Variants in ROBO2 observed in about 807,000 individuals in gnomAD.
ROBO2 encodes roundabout homolog 2.
In ROBO2, 53 loss-of-function variants were observed where a neutral mutation model predicts 160.8. That is an observed-to-expected ratio of 0.33 (90% CI 0.26 to 0.41). The LOEUF is 0.41. ROBO2 is among the 10% of genes least tolerant of loss of function. The probability of loss-of-function intolerance (pLI) is 1.00; values close to 1 mark genes in which losing one functional copy is unlikely to be tolerated. For synonymous variants in ROBO2, 664 were observed against 611.7 expected, an observed-to-expected ratio of 1.09 and a Z score of -1.26; for missense variants, 1,577 against 1,722.4, an observed-to-expected ratio of 0.92 and a Z score of 1.49.
chr3:75,952,582 C>T (rs975141799), intron 2 of ROBO2, among the ~76,000 whole-genome samples: 2 of 151,934 alleles, frequency 1.3e-5, no homozygotes, highest in Non-Finnish European at 2.9e-5. Flanking sequence ...TTTTTAACAT[C>T]TTGCGATAGT....
intron 2 of ROBO2, among the ~76,000 whole-genome samples, chr3:76,801,534 A>G (rs2064193573): frequency 6.6e-6 from 1 of 151,900 alleles, no homozygotes; most frequent in Non-Finnish European, 1.5e-5. Context: ...TGTACCCCAT[A>G]AATATATAAA....
chr3:76,176,380 A>G (rs1171968817), intron 2 of ROBO2, among the ~76,000 whole-genome samples: 1 of 151,324 alleles, frequency 6.6e-6, no homozygotes, highest in Non-Finnish European at 1.5e-5. Flanking sequence ...GACAGGGATA[A>G]ATAAAACTAT....
Position 77,384,309 on chromosome 3 carries a change from T to C in ROBO2, c.389-93105T>C, listed in dbSNP as rs145560713. On this transcript the variant is annotated intron_variant, in intron 2 of 25. Transcript: ENST00000461745. ...TAAGCTTAGTCCTCAATGACTGATGTACACTGGCTTACACTAAAGTTATTA... is the reference window on the plus strand; with the variant it reads ...TAAGCTTAGTCCTCAATGACTGATGCACACTGGCTTACACTAAAGTTATTA... Among the ~76,000 whole-genome samples, 115 of 152,294 alleles carry C rather than the reference T, an allele frequency of 7.6e-4. 1 individual carries two copies. The highest frequency in any genetic ancestry group is 2.5e-3 in the African/African-American group (106 of 41,590).
At position 77,163,745 on chromosome 3, in the gene ROBO2, G is replaced by C. The variant is rs1196154995; in HGVS notation, c.388+65405G>C. On this transcript the variant is annotated intron_variant, in intron 2 of 25. Transcript: ENST00000461745. ...GGACATGGTCTGGGACACATACTAA[G>C]AGCTCAAGAAAAGTGCACTGAATAC... 4.6e-5 allele frequency among the ~76,000 whole-genome samples: 7 copies of C among 152,118 alleles called. No homozygotes were observed. In the East Asian group the frequency reaches 1.3e-3, roughly 29 times the overall value.
intron 2 of ROBO2, among the ~76,000 whole-genome samples, chr3:77,464,501 A>G (rs2082564744): frequency 6.6e-6 from 1 of 152,146 alleles, no homozygotes; most frequent in Non-Finnish European, 1.5e-5. Context: ...GACAAAGAAG[A>G]GGCTGTAGAG....
chr3:76,978,335 A>G (rs999560921), intron 2 of ROBO2, among the ~76,000 whole-genome samples: 10 of 152,184 alleles, frequency 6.6e-5, no homozygotes, highest in Non-Finnish European at 8.8e-5. Context: ...GCAAATATTT[A>G]TATTATTTAA....
chr3:76,299,023 T>C (rs2107732687), intron 2 of ROBO2, among the ~76,000 whole-genome samples: 1 of 152,320 alleles, frequency 6.6e-6, no homozygotes, highest in East Asian at 1.9e-4. Context: ...TTAACAAATA[T>C]TTACTGAGCT....
chr3:76,779,913 T>C (rs999764688), intron 2 of ROBO2, among the ~76,000 whole-genome samples: 17 of 151,116 alleles, frequency 1.1e-4, no homozygotes, highest in African/African-American at 3.1e-4. Context: ...AATGTATATC[T>C]AGAAGTGAGA....
chr3:76,604,345 A>G (rs6771991), intron 2 of ROBO2, among the ~76,000 whole-genome samples: 18,648 of 152,198 alleles, frequency 0.12, 1,342 homozygotes, highest in East Asian at 0.26. Flanking sequence ...ATTAAACATT[A>G]TGCTTTAATG....
chr3:77,325,289 C>G (rs2065263126), intron 2 of ROBO2, among the ~76,000 whole-genome samples: 1 of 152,140 alleles, frequency 6.6e-6, no homozygotes, highest in Non-Finnish European at 1.5e-5. Context: ...AGAAGTCAAA[C>G]AACTTTTTGA....
At chr3:77,468,416 A>G (rs2083007061) in intron 2 of ROBO2, among the ~76,000 whole-genome samples, 1 of 152,176 alleles carries the variant, frequency 6.6e-6, no homozygotes, top group African/African-American at 2.4e-5. Context: ...CCCCAAGGAG[A>G]ACATATGCAT....
At chr3:77,472,619 C>T (rs1444023467) in intron 2 of ROBO2, among the ~76,000 whole-genome samples, 4 of 152,054 alleles carry the variant, frequency 2.6e-5, no homozygotes, top group Non-Finnish European at 5.9e-5. Context: ...ACATATCCCC[C>T]CCACCTCACC....
chr3:76,639,005 T>G (rs992371020), intron 2 of ROBO2, among the ~76,000 whole-genome samples: 5 of 152,154 alleles, frequency 3.3e-5, no homozygotes, highest in African/African-American at 1.2e-4. Context: ...TTTTGAAGTT[T>G]TTGGCACTTC....
At chr3:75,953,226 C>T (rs1315259297) in intron 2 of ROBO2, among the ~76,000 whole-genome samples, 4 of 151,894 alleles carry the variant, frequency 2.6e-5, no homozygotes, top group Non-Finnish European at 4.4e-5. Context: ...ATTCTGCATT[C>T]TCAATAAAAG....
At chr3:76,356,141 G>T (rs550169497) in intron 2 of ROBO2, among the ~76,000 whole-genome samples, 2 of 151,196 alleles carry the variant, frequency 1.3e-5, no homozygotes, top group Admixed American at 6.6e-5. Flanking sequence ...ATTTAATTTG[G>T]TTATATATTG....
intron 2 of ROBO2, among the ~76,000 whole-genome samples, chr3:77,227,375 A>G (rs1282261237): frequency 2.6e-5 from 4 of 152,180 alleles, no homozygotes; most frequent in Admixed American, 1.3e-4. Context: ...TAAGAAAAAT[A>G]CCTTCAACTA....
At chr3:75,948,752 A>G (rs1235700340) in intron 2 of ROBO2, among the ~76,000 whole-genome samples, 2 of 152,118 alleles carry the variant, frequency 1.3e-5, no homozygotes, top group Non-Finnish European at 2.9e-5. Context: ...AAAAATAAAC[A>G]TGTTCTTCTA....
At chr3:76,412,629 T>C (rs1473059909) in intron 2 of ROBO2, among the ~76,000 whole-genome samples, 4 of 152,124 alleles carry the variant, frequency 2.6e-5, no homozygotes, top group African/African-American at 7.2e-5. Flanking sequence ...AGCAGGGCAA[T>C]CAAATGTTAA....
chr3:76,857,862 A>G (rs1347722828), intron 2 of ROBO2, among the ~76,000 whole-genome samples: 1 of 152,154 alleles, frequency 6.6e-6, no homozygotes, highest in African/African-American at 2.4e-5. Context: ...CTACCTCTTT[A>G]GCTTTATAGC....
Sources: allele counts gnomAD v4.1 joint callset (sites outside exome capture counted in the v4.1 genomes callset), GRCh38; gene constraint gnomAD v4.1.1; transcripts MANE v1.5; gene names NCBI Gene and HGNC (gene_info 2026-07-23, HGNC 2026-07-21).